Variants in C1orf185 observed in about 807,000 individuals in gnomAD.
The protein encoded by C1orf185 is uncharacterized protein C1orf185.
In C1orf185, 13 loss-of-function variants were observed where a neutral mutation model predicts 16.1. That is an observed-to-expected ratio of 0.81 (90% CI 0.53 to 1.28). The LOEUF is 1.28. Ranked by LOEUF, C1orf185 falls within the 50% of genes most tolerant of loss-of-function variation. The probability of loss-of-function intolerance (pLI) is 0.00; values close to 1 mark genes in which losing one functional copy is unlikely to be tolerated. For synonymous variants in C1orf185, 80 were observed against 76.9 expected, an observed-to-expected ratio of 1.04 and a Z score of -0.21; for missense variants, 220 against 225.2, an observed-to-expected ratio of 0.98 and a Z score of 0.15.
chr1:51,149,381 C>A (rs1646419577), downstream of C1orf185, among the ~76,000 whole-genome samples: 1 of 152,096 alleles, frequency 6.6e-6, no homozygotes, highest in Admixed American at 6.6e-5. Flanking sequence ...GAGTTAGAAC[C>A]ACTCTCTCTT....
chr1:51,143,324 C>T (rs981792371), intron 3 of C1orf185, among the ~76,000 whole-genome samples: 3 of 152,166 alleles, frequency 2.0e-5, no homozygotes, highest in Non-Finnish European at 4.4e-5. Context: ...CATTCCCATC[C>T]ACAATTGTCA....
intron 3 of C1orf185, among the ~76,000 whole-genome samples, chr1:51,123,979 TATAG>T (rs1444876410): frequency 1.3e-5 from 2 of 151,170 alleles, no homozygotes; most frequent in African/African-American, 2.4e-5. Flanking sequence ...TATATATATA[TATAG>T]AGAGAGAGAG....
At chr1:51,134,046 C>T (rs181290129) in intron 3 of C1orf185, among the ~76,000 whole-genome samples, 372 of 152,200 alleles carry the variant, frequency 2.4e-3, no homozygotes, top group Non-Finnish European at 3.7e-3. Context: ...GGCACCACTG[C>T]ACTCCACTCT....
At chr1:51,126,608 G>A (rs1646242401) in intron 3 of C1orf185, among the ~76,000 whole-genome samples, 1 of 152,114 alleles carries the variant, frequency 6.6e-6, no homozygotes, top group Non-Finnish European at 1.5e-5. Flanking sequence ...ATGATTTTAA[G>A]TAACCTTTTA....
intron 3 of C1orf185, 74 bp from the exon 4 acceptor site, chr1:51,145,650 C>A: frequency 2.5e-6 from 2 of 809,760 alleles, no homozygotes; most frequent in South Asian, 4.1e-5. Context: ...GTATTACTCT[C>A]ATATAAAATA....
At chr1:51,115,462 A>G (rs913341192) in intron 2 of C1orf185, among the ~76,000 whole-genome samples, 1 of 152,134 alleles carries the variant, frequency 6.6e-6, no homozygotes, top group Non-Finnish European at 1.5e-5. Flanking sequence ...GTTAATGGAC[A>G]TTGGGGTCAT....
intron 2 of C1orf185, among the ~76,000 whole-genome samples, chr1:51,113,662 G>T (rs1171890914): frequency 2.0e-5 from 3 of 152,150 alleles, no homozygotes; most frequent in African/African-American, 7.2e-5. Flanking sequence ...TACAGCCTGG[G>T]TGAAAAGAGT....
chr1:51,110,138 A>G (rs1185695040), intron 1 of C1orf185, among the ~76,000 whole-genome samples: 1 of 152,204 alleles, frequency 6.6e-6, no homozygotes, highest in Non-Finnish European at 1.5e-5. Flanking sequence ...TCTTTTGAGA[A>G]AGCTATTTAG....
chr1:51,115,553 C>A (rs1463110249), intron 2 of C1orf185, among the ~76,000 whole-genome samples: 1 of 152,088 alleles, frequency 6.6e-6, no homozygotes, highest in Non-Finnish European at 1.5e-5. Context: ...AGTACTTTCA[C>A]TTTTCTTAGG....
At chr1:51,109,755 GTTT>G (rs1459587955) in intron 1 of C1orf185, among the ~76,000 whole-genome samples, 8 of 151,884 alleles carry the variant, frequency 5.3e-5, no homozygotes, top group Admixed American at 2.0e-4. Flanking sequence ...CTATGTTTCT[GTTT>G]TTTATGCCAA....
chr1:51,134,787 C>A (rs1256752928), intron 3 of C1orf185, among the ~76,000 whole-genome samples: 1 of 152,084 alleles, frequency 6.6e-6, no homozygotes, highest in South Asian at 2.1e-4. Flanking sequence ...TACTTCCTAA[C>A]ACTGAACCAG....
chr1:51,149,661 A>G (rs900455683), downstream of C1orf185, among the ~76,000 whole-genome samples: 2 of 152,210 alleles, frequency 1.3e-5, no homozygotes, highest in Non-Finnish European at 2.9e-5. Flanking sequence ...CTTCTCTGGA[A>G]TAGAGGAAAT....
At position 51,112,670 on chromosome 1, in the gene C1orf185, G is replaced by T. The variant is rs980130830; in HGVS notation, c.122+101G>T. ...AAACTTAAATAACTATGATAGTATT[G>T]ATTGTTTAGTTTGGGATTTGGTTAT... On this transcript the variant is annotated intron_variant, in intron 2 of 4. Coordinates refer to ENST00000371759, the MANE Select transcript of C1orf185 (RefSeq NM_001136508.2). The T allele has an allele frequency of 9.9e-6, 11 of 1,108,396 alleles. No homozygotes were observed. The African/African-American group carries it at 1.6e-4, about 16-fold the overall frequency. The allele number at this position is 1,108,396 out of a possible 1,614,324, so 68.7% of individuals were successfully genotyped here. A position where few individuals can be genotyped will look rare whatever the true frequency, so the allele number is the denominator to read the frequency against.
At chr1:51,133,090 C>T (rs1246892724) in intron 3 of C1orf185, among the ~76,000 whole-genome samples, 1 of 152,164 alleles carries the variant, frequency 6.6e-6, no homozygotes, top group Non-Finnish European at 1.5e-5. Context: ...AAGACCCTTA[C>T]CAGCCACTAC....
At position 51,147,785 on chromosome 1, in the gene C1orf185, G is replaced by A. The variant is rs1334800429; in HGVS notation, c.*14G>A. 2 of 1,484,296 alleles carry A rather than the reference G, an allele frequency of 1.3e-6. No homozygotes were observed. The highest frequency in any genetic ancestry group is 4.9e-5 in the Admixed American group (2 of 40,900). The allele number at this position is 1,484,296 out of a possible 1,614,324, so 91.9% of individuals were successfully genotyped here. A position where few individuals can be genotyped will look rare whatever the true frequency, so the allele number is the denominator to read the frequency against. On this transcript the variant is annotated 3_prime_UTR_variant, in exon 5 of 5. Coordinates refer to ENST00000371759, the MANE Select transcript of C1orf185 (RefSeq NM_001136508.2). The stretch of plus-strand genomic sequence containing the variant: ...GACACTTTATGACCATCAAAAAGAT[G>A]ACTACATTAAGGGAAAATGTTCATG...
chr1:51,141,061 A>G (rs933783492), intron 3 of C1orf185, among the ~76,000 whole-genome samples: 1 of 152,226 alleles, frequency 6.6e-6, no homozygotes, highest in Admixed American at 6.5e-5. Flanking sequence ...CACCCAAAGT[A>G]AATTATTGTA....
At chr1:51,131,433 T>C (rs569354813) in intron 3 of C1orf185, among the ~76,000 whole-genome samples, 1 of 152,308 alleles carries the variant, frequency 6.6e-6, no homozygotes, top group South Asian at 2.1e-4. Flanking sequence ...TCTCTCTTAT[T>C]AAGAGTTTGT....
At chr1:51,109,768 A>G (rs368985936) in intron 1 of C1orf185, among the ~76,000 whole-genome samples, 12 of 152,212 alleles carry the variant, frequency 7.9e-5, no homozygotes, top group African/African-American at 2.4e-4. Flanking sequence ...TTTTATGCCA[A>G]TGCTATGCTG....
chr1:51,111,370 C>CTTTTTTTTTTTTTTTTTTTTTTTT lies in C1orf185; in HGVS notation c.17-1091_17-1090insTTTTTTTTTTTTTTTTTTTTTTTT, dbSNP rs35232347. 3.0e-4 allele frequency among the ~76,000 whole-genome samples: 34 copies of CTTTTTTTTTTTTTTTTTTTTTTTT among 114,414 alleles called. 4 individuals carry two copies. The highest frequency in any genetic ancestry group is 5.5e-4 in the African/African-American group (15 of 27,348). The allele number at this position is 114,414 out of a possible 152,430, so 75.1% of individuals were successfully genotyped here. A position where few individuals can be genotyped will look rare whatever the true frequency, so the allele number is the denominator to read the frequency against. Reference sequence around the variant, plus strand: ...ATATTGCTTTCATTTAGCTTTCTTTCTTTCTTTTTTTTTTTTTTTGAGAGA... The same window carrying CTTTTTTTTTTTTTTTTTTTTTTTT: ...ATATTGCTTTCATTTAGCTTTCTTTCTTTTTTTTTTTTTTTTTTTTTTTTTTTCTTTTTTTTTTTTTTTGAGAGA... On this transcript the variant is annotated intron_variant, in intron 1 of 4. Coordinates refer to ENST00000371759, the MANE Select transcript of C1orf185 (RefSeq NM_001136508.2).
Sources: allele counts gnomAD v4.1 joint callset (sites outside exome capture counted in the v4.1 genomes callset), GRCh38; gene constraint gnomAD v4.1.1; transcripts MANE v1.5; gene names NCBI Gene and HGNC (gene_info 2026-07-23, HGNC 2026-07-21).